Variants in BTBD9 observed in about 807,000 individuals in gnomAD.
BTBD9 encodes BTB/POZ domain-containing protein 9.
Under a neutral mutation model 64.3 loss-of-function variants are expected in BTBD9, and 49 were observed. The ratio of observed to expected loss-of-function variants is 0.76; its 90% CI spans 0.61 to 0.97. The LOEUF is 0.97. Ranked by LOEUF, BTBD9 falls within the 50% of genes least tolerant of loss-of-function variation. BTBD9 has a pLI of 0.00. For missense variants in BTBD9, 598 were observed against 762.1 expected, an observed-to-expected ratio of 0.78 and a Z score of 2.53; for synonymous variants, 260 against 274.7, an observed-to-expected ratio of 0.95 and a Z score of 0.53.
At chr6:38,423,471 A>AT (rs1467010965) in intron 6 of BTBD9, among the ~76,000 whole-genome samples, 1 of 151,904 alleles carries the variant, frequency 6.6e-6, no homozygotes, top group Non-Finnish European at 1.5e-5. Flanking sequence ...CACTCGGCTA[A>AT]TTTTTAAATT....
chr6:38,355,547 CAGAAAA>C lies in BTBD9; in HGVS notation c.1155-10460_1155-10455del, dbSNP rs142384644. The stretch of plus-strand genomic sequence containing the variant: ...AGTCCTCACACTTGTTTCAGAAATT[CAGAAAA>C]AGAAAAACTTAACGAGTGGAATGAA... On this transcript the variant is annotated intron_variant, in intron 6 of 10. Transcript: ENST00000481247. Among the ~76,000 whole-genome samples the C allele has an allele frequency of 6.3e-3, 955 of 152,230 alleles. 12 individuals are homozygous for C. The highest frequency in any genetic ancestry group is 0.021 in the African/African-American group (885 of 41,544).
chr6:38,283,453 G>A (rs1284645168), intron 8 of BTBD9, among the ~76,000 whole-genome samples: 1 of 152,120 alleles, frequency 6.6e-6, no homozygotes, highest in Non-Finnish European at 1.5e-5. Context: ...TTCGAGACCA[G>A]CCTAGGCAAC....
chr6:38,335,495 C>T (rs1204738183), intron 7 of BTBD9, among the ~76,000 whole-genome samples: 1 of 152,016 alleles, frequency 6.6e-6, no homozygotes, highest in Non-Finnish European at 1.5e-5. Flanking sequence ...TCAAGCAATC[C>T]GCCTGCTTTA....
At chr6:38,302,485 G>GTATATGTATATA (rs1554137023) in intron 7 of BTBD9, among the ~76,000 whole-genome samples, 12 of 106,908 alleles carry the variant, frequency 1.1e-4, no homozygotes, top group Non-Finnish European at 2.3e-4. Context: ...TTGTGTGTAT[G>GTATATGTATATA]TATATATATA....
In BTBD9 at chr6:38,384,674, T is replaced by C. The variant is rs111298634; in HGVS notation, c.1155-39581A>G. 6.2e-3 allele frequency among the ~76,000 whole-genome samples: 942 copies of C among 152,304 alleles called. 7 individuals carry two copies. The highest frequency in any genetic ancestry group is 0.021 in the African/African-American group (865 of 41,556). ...AGAAAACAATTTGATTGGGGTAATA[T>C]GTGATAACTCCTAAATAACCTAACA... is the stretch of plus-strand genomic sequence containing the variant. On this transcript the variant is annotated intron_variant, in intron 6 of 10. Transcript: ENST00000481247.
At chr6:38,300,564 A>C (rs1762349797) in intron 7 of BTBD9, among the ~76,000 whole-genome samples, 1 of 149,724 alleles carries the variant, frequency 6.7e-6, no homozygotes, top group Admixed American at 6.6e-5. Context: ...CTCCTTGAAG[A>C]GGTCCTTCAC....
chr6:38,502,734 G>A (rs1772272265), intron 6 of BTBD9, among the ~76,000 whole-genome samples: 1 of 152,162 alleles, frequency 6.6e-6, no homozygotes, highest in African/African-American at 2.4e-5. Context: ...AAGTTGTTTA[G>A]AATATATGGC....
chr6:38,572,943 A>T (rs1054459632), intron 6 of BTBD9, among the ~76,000 whole-genome samples: 1 of 152,070 alleles, frequency 6.6e-6, no homozygotes, highest in African/African-American at 2.4e-5. Context: ...AAAAGTACCA[A>T]TAAAACACTA....
intron 6 of BTBD9, among the ~76,000 whole-genome samples, chr6:38,365,758 CAAA>C (rs34375597): frequency 2.8e-4 from 32 of 115,836 alleles, no homozygotes; most frequent in East Asian, 4.7e-4. Context: ...GATCCTGACT[CAAA>C]AAAAAAAAAA....
chr6:38,353,246 A>C (rs1401438588), intron 6 of BTBD9, among the ~76,000 whole-genome samples: 2 of 152,232 alleles, frequency 1.3e-5, no homozygotes, highest in African/African-American at 4.8e-5. Flanking sequence ...ATCTGGAAAG[A>C]GGAACTGATT....
At chr6:38,229,465 C>T (rs1369165932) in intron 9 of BTBD9, among the ~76,000 whole-genome samples, 1 of 152,146 alleles carries the variant, frequency 6.6e-6, no homozygotes, top group African/African-American at 2.4e-5. Context: ...ATCCCTAGTT[C>T]CTTTAATTGG....
intron 6 of BTBD9, among the ~76,000 whole-genome samples, chr6:38,451,074 T>C (rs904203139): frequency 1.3e-5 from 2 of 152,178 alleles, no homozygotes; most frequent in Non-Finnish European, 2.9e-5. Context: ...AGTGATTCTT[T>C]TCTGCTTTTC....
chr6:38,265,305 A>C (rs915772488), intron 8 of BTBD9, among the ~76,000 whole-genome samples: 1 of 152,060 alleles, frequency 6.6e-6, no homozygotes, highest in African/African-American at 2.4e-5. Flanking sequence ...TTTCTCATGA[A>C]ATCTTATATT....
chr6:38,523,555 CACACCTTGT>C (rs1164814607), intron 6 of BTBD9, among the ~76,000 whole-genome samples: 1 of 152,136 alleles, frequency 6.6e-6, no homozygotes, highest in Non-Finnish European at 1.5e-5. Flanking sequence ...GTGCCCTCTA[CACACCTTGT>C]AGTCTCCCTG....
intron 7 of BTBD9, among the ~76,000 whole-genome samples, chr6:38,293,244 C>T (rs1762028018): frequency 6.6e-6 from 1 of 151,956 alleles, no homozygotes; most frequent in Non-Finnish European, 1.5e-5. Context: ...GCCATACTGC[C>T]CAAAGTAATT....
chr6:38,626,477 G>C (rs1484766468), intron 1 of BTBD9, among the ~76,000 whole-genome samples: 1 of 151,724 alleles, frequency 6.6e-6, no homozygotes, highest in Admixed American at 6.6e-5. Flanking sequence ...AAGTTTTTTT[G>C]TGGGCAGGAA....
At chr6:38,457,278 G>A (rs1769864488) in intron 6 of BTBD9, among the ~76,000 whole-genome samples, 1 of 152,134 alleles carries the variant, frequency 6.6e-6, no homozygotes, top group Non-Finnish European at 1.5e-5. Context: ...TTAACTTTAA[G>A]AAAATTTATC....
chr6:38,236,362 A>G (rs1441571894), intron 9 of BTBD9, among the ~76,000 whole-genome samples: 2 of 152,198 alleles, frequency 1.3e-5, no homozygotes, highest in Non-Finnish European at 2.9e-5. Flanking sequence ...AGACATTTCT[A>G]AAGACTACTG....
chr6:38,275,697 C>T (rs1761209219), intron 8 of BTBD9, among the ~76,000 whole-genome samples: 1 of 152,190 alleles, frequency 6.6e-6, no homozygotes, highest in Non-Finnish European at 1.5e-5. Context: ...AGGATATGAA[C>T]AGACACTTCT....
Sources: gnomAD v4.1 joint callset for allele counts (sites outside exome capture counted in the v4.1 genomes callset) on GRCh38, gnomAD v4.1.1 for gene constraint, MANE v1.5 for transcripts, NCBI Gene and HGNC (gene_info 2026-07-23, HGNC 2026-07-21) for gene names.